The following PDE4D variants were observed in gnomAD, a reference collection of about 807,000 sequenced individuals.
PDE4D encodes the protein 3',5'-cyclic-AMP phosphodiesterase 4D.
In PDE4D, 24 loss-of-function variants were observed where a neutral mutation model predicts 87.4. The observed-to-expected ratio is 0.27, with a 90% confidence interval of 0.20 to 0.39. The LOEUF is 0.39. Ranked by LOEUF, PDE4D falls within the 10% of genes least tolerant of loss-of-function variation. The pLI is 1.00. For missense variants in PDE4D, 714 were observed against 1,041.0 expected (o/e 0.69, Z 4.32); for synonymous variants, 384 against 383.2 (o/e 1.00, Z -0.02).
chr5:59,668,198 G>A (rs1746392305), intron 1 of PDE4D, among the ~76,000 whole-genome samples: 1 of 152,188 alleles, frequency 6.6e-6, no homozygotes, highest in East Asian at 1.9e-4. Flanking sequence ...TACTTTCCCT[G>A]CCTCTGTCAT....
At position 59,615,431 on chromosome 5, in the gene PDE4D, T is replaced by C. The variant is rs545001652; in HGVS notation, c.455+277737A>G. Among the ~76,000 whole-genome samples, 8 of 129,682 alleles carry C rather than the reference T, an allele frequency of 6.2e-5. No homozygotes were observed. The South Asian group carries it at 2.4e-3, about 38-fold the overall frequency. The allele number at this position is 129,682 out of a possible 152,430, so 85.1% of individuals were successfully genotyped here. A position where few individuals can be genotyped will look rare whatever the true frequency, so the allele number is the denominator to read the frequency against. On this transcript the variant is annotated intron_variant, in intron 1 of 14. Coordinates refer to ENST00000340635, the MANE Select transcript of PDE4D (RefSeq NM_001104631.2). The stretch of plus-strand genomic sequence containing the variant: ...GCCATTTTGATGAGACTAGTGTAAA[T>C]GAATCATAGGCACATAGATTAAATT...
chr5:59,214,503 G>A (rs1750798803), intron 2 of PDE4D, among the ~76,000 whole-genome samples: 1 of 152,084 alleles, frequency 6.6e-6, no homozygotes, highest in Non-Finnish European at 1.5e-5. Context: ...TGTTCCTGCA[G>A]TACATGATAA....
intron 1 of PDE4D, among the ~76,000 whole-genome samples, chr5:59,273,994 T>G (rs1023531887): frequency 6.6e-6 from 1 of 152,146 alleles, no homozygotes; most frequent in Admixed American, 6.6e-5. Context: ...GTAACATCTT[T>G]TCACATAGGA....
chr5:59,570,739 T>C (rs975098252), intron 1 of PDE4D, among the ~76,000 whole-genome samples: 1 of 152,184 alleles, frequency 6.6e-6, no homozygotes, highest in Non-Finnish European at 1.5e-5. Context: ...GATATTATCG[T>C]TGTCTTTAAT....
At chr5:59,161,735 C>A (rs921565611) in intron 5 of PDE4D, among the ~76,000 whole-genome samples, 26 of 152,152 alleles carry the variant, frequency 1.7e-4, no homozygotes, top group Admixed American at 1.5e-3. Context: ...CAACTGTTAG[C>A]GAAAAGTACG....
intron 1 of PDE4D, chr5:59,314,921 G>A (rs1773398922): frequency 7.5e-6 from 1 of 133,060 alleles, no homozygotes; most frequent in Admixed American, 7.3e-5. Flanking sequence ...ATAAGAGGGA[G>A]GATCCCTGGA....
At chr5:59,410,127 G>A (rs1792391253) in intron 1 of PDE4D, among the ~76,000 whole-genome samples, 1 of 151,702 alleles carries the variant, frequency 6.6e-6, no homozygotes, top group Admixed American at 6.6e-5. Context: ...AATTATTGTT[G>A]ACTGTAGTCA....
intron 1 of PDE4D, among the ~76,000 whole-genome samples, chr5:59,672,205 TG>T (rs1486306368): frequency 6.6e-6 from 1 of 152,214 alleles, no homozygotes; most frequent in Admixed American, 6.5e-5. Flanking sequence ...GATGGTAAGT[TG>T]GATTTATACT....
chr5:59,849,688 G>A (rs1157270108), intron 1 of PDE4D, among the ~76,000 whole-genome samples: 1 of 151,484 alleles, frequency 6.6e-6, no homozygotes, highest in Non-Finnish European at 1.5e-5. Context: ...GGTGCCTGAC[G>A]TTTTCTATTG....
intron 1 of PDE4D, among the ~76,000 whole-genome samples, chr5:59,285,118 C>T (rs1386944545): frequency 6.9e-5 from 9 of 130,338 alleles, no homozygotes; most frequent in African/African-American, 1.5e-4. Context: ...TGCTAGATGA[C>T]GCGTTAGTGG....
intron 5 of PDE4D, among the ~76,000 whole-genome samples, chr5:59,094,675 G>A (rs1769366710): frequency 6.6e-6 from 1 of 152,098 alleles, no homozygotes; most frequent in Non-Finnish European, 1.5e-5. Context: ...AGAAAATACT[G>A]GAGTGATGCC....
rs2153478077 is a variant in PDE4D at position 59,180,620 on chromosome 5, T to C, written c.783A>G (p.Pro261=). 2 of 1,613,340 alleles carry C rather than the reference T, an allele frequency of 1.2e-6. No homozygotes were observed. Among genetic ancestry groups the C allele is most frequent in the Non-Finnish European group, 1.7e-6 (2 of 1,179,570 alleles). The change falls in exon 5 of 15, where the codon CCA becomes CCG. Residue 261 remains proline, a synonymous_variant. Transcript: ENST00000340635. ...CTGTTATGGTGGCTTTGTTGATGGA[T>C]GGTTGGTTGCACATGGGTGATCTTC... ...PSKRSPMCNQ[P]SINKATITEE...
intron 1 of PDE4D, chr5:60,429,821 T>C (rs778724037): frequency 1.1e-5 from 4 of 352,052 alleles, no homozygotes; most frequent in Non-Finnish European, 1.1e-5. Context: ...GCCTGCTCAA[T>C]GGTGGTGGAT....
chr5:59,845,833 T>G (rs1743757095), intron 1 of PDE4D, among the ~76,000 whole-genome samples: 1 of 152,012 alleles, frequency 6.6e-6, no homozygotes, highest in Non-Finnish European at 1.5e-5. Context: ...AATTTCTCAT[T>G]TATGGATTAC....
intron 1 of PDE4D, among the ~76,000 whole-genome samples, chr5:59,482,378 T>G (rs1804427788): frequency 6.6e-6 from 1 of 152,176 alleles, no homozygotes; most frequent in South Asian, 2.1e-4. Flanking sequence ...GAAGAGCCAC[T>G]TATTGTGGCA....
chr5:60,424,127 A>G (rs777081428), intron 1 of PDE4D, among the ~76,000 whole-genome samples: 1 of 152,260 alleles, frequency 6.6e-6, no homozygotes, highest in African/African-American at 2.4e-5. Flanking sequence ...AGCTGGTAAC[A>G]TTCCTTCTGA....
chr5:59,015,355 A>C (rs1292243668), intron 6 of PDE4D, among the ~76,000 whole-genome samples: 1 of 152,096 alleles, frequency 6.6e-6, no homozygotes, highest in East Asian at 1.9e-4. Flanking sequence ...AATGGGAGAA[A>C]ATTTTTGCTA....
At chr5:59,676,850 C>T (rs568213481) in intron 1 of PDE4D, among the ~76,000 whole-genome samples, 73 of 151,960 alleles carry the variant, frequency 4.8e-4, no homozygotes, top group Non-Finnish European at 8.8e-4. Flanking sequence ...TACTATAGTG[C>T]TATAGAACAC....
chr5:60,312,320 CA>C (rs1173990945), intron 1 of PDE4D, among the ~76,000 whole-genome samples: 1 of 151,982 alleles, frequency 6.6e-6, no homozygotes, highest in Non-Finnish European at 1.5e-5. Context: ...TTAGCAAGTT[CA>C]AAAAAACGGA....
Sources: allele counts gnomAD v4.1 joint callset (sites outside exome capture counted in the v4.1 genomes callset), GRCh38; gene constraint gnomAD v4.1.1; transcripts MANE v1.5; gene names NCBI Gene and HGNC (gene_info 2026-07-23, HGNC 2026-07-21).